Variants in DTWD2 observed in about 807,000 individuals in gnomAD.
DTWD2 encodes the protein tRNA-uridine aminocarboxypropyltransferase 2.
DTWD2 carries 39 observed loss-of-function variants against 31.8 expected under a neutral mutation model. That is an observed-to-expected ratio of 1.22 (90% CI 0.95 to 1.60). The LOEUF (loss-of-function observed/expected upper bound fraction) is 1.60. Ranked by LOEUF, DTWD2 falls within the 40% of genes most tolerant of loss-of-function variation. DTWD2 has a pLI of 0.00. For missense variants in DTWD2, 515 were observed against 381.5 expected, an observed-to-expected ratio of 1.35 and a Z score of -2.92; for synonymous variants, 180 against 142.8, an observed-to-expected ratio of 1.26 and a Z score of -1.86.
rs1246685934 is a variant in DTWD2 at position 118,838,360 on chromosome 5, A to T, written c.*2557T>A. The stretch of plus-strand genomic sequence containing the variant: ...GGGTACACAAGTAAAACCTACTATC[A>T]GCTACAAATTCATAAAACTTGGAAC... On this transcript the variant is annotated 3_prime_UTR_variant, in exon 6 of 6. Coordinates refer to ENST00000510708, the MANE Select transcript of DTWD2 (RefSeq NM_173666.4). 6.6e-6 allele frequency: 1 copy of T among 150,974 alleles called. No individual in the cohort carries two copies. The highest frequency in any genetic ancestry group is 1.9e-4 in the East Asian group (1 of 5,206). 9.4% of individuals were successfully genotyped at this position (150,974 alleles called of 1,614,324 possible). A position where few individuals can be genotyped will look rare whatever the true frequency, so the allele number is the denominator to read the frequency against.
chr5:118,982,570 C>G (rs1279195891), intron 1 of DTWD2, among the ~76,000 whole-genome samples: 2 of 151,852 alleles, frequency 1.3e-5, no homozygotes, highest in African/African-American at 4.8e-5. Flanking sequence ...TAATAATTTT[C>G]TCTTGAGAAT....
At chr5:118,861,435 A>G (rs536664885) in intron 4 of DTWD2, among the ~76,000 whole-genome samples, 4 of 152,338 alleles carry the variant, frequency 2.6e-5, no homozygotes, top group African/African-American at 9.6e-5. Context: ...GGCCCTGCTC[A>G]AAGGTATTAA....
chr5:118,901,329 T>C (rs1433355927), intron 4 of DTWD2, among the ~76,000 whole-genome samples: 2 of 152,122 alleles, frequency 1.3e-5, no homozygotes, highest in African/African-American at 2.4e-5. Flanking sequence ...AATCCAGGGA[T>C]TCAACAAACA....
chr5:118,932,253 G>T (rs2149580603), intron 3 of DTWD2, among the ~76,000 whole-genome samples: 1 of 151,544 alleles, frequency 6.6e-6, no homozygotes, highest in South Asian at 2.1e-4. Flanking sequence ...GAGGCAGGAG[G>T]GTCACTTGAG....
chr5:118,923,420 T>A (rs113742049), intron 4 of DTWD2, among the ~76,000 whole-genome samples: 77 of 152,240 alleles, frequency 5.1e-4, no homozygotes, highest in African/African-American at 1.7e-3. Flanking sequence ...TGGCGAAATA[T>A]GACCTTCCGG....
At chr5:118,956,361 C>A (rs1754587464) in intron 1 of DTWD2, among the ~76,000 whole-genome samples, 1 of 152,150 alleles carries the variant, frequency 6.6e-6, no homozygotes, top group Non-Finnish European at 1.5e-5. Context: ...CAAGGAAATT[C>A]TGTGAAATAA....
intron 4 of DTWD2, among the ~76,000 whole-genome samples, chr5:118,886,492 G>A (rs1752871579): frequency 1.3e-5 from 2 of 152,286 alleles, no homozygotes; most frequent in East Asian, 1.9e-4. Flanking sequence ...TGAAAACTGG[G>A]TTTATGGGAC....
chr5:118,976,428 TA>T (rs1240138650), intron 1 of DTWD2, among the ~76,000 whole-genome samples: 17 of 151,816 alleles, frequency 1.1e-4, no homozygotes, highest in Non-Finnish European at 7.4e-5. Flanking sequence ...ATTAACAAAA[TA>T]GATAGACTGC....
intron 4 of DTWD2, among the ~76,000 whole-genome samples, chr5:118,907,212 C>T (rs1483738464): frequency 6.6e-6 from 1 of 152,170 alleles, no homozygotes; most frequent in African/African-American, 2.4e-5. Flanking sequence ...TATAGCTTTG[C>T]CATTAACTAG....
intron 1 of DTWD2, among the ~76,000 whole-genome samples, chr5:118,956,418 C>T (rs573672388): frequency 8.0e-4 from 122 of 152,218 alleles, no homozygotes; most frequent in African/African-American, 2.8e-3. Context: ...AATACATGGG[C>T]TTCCTGTCAG....
At chr5:118,888,551 A>T (rs987488691) in intron 4 of DTWD2, among the ~76,000 whole-genome samples, 1 of 152,228 alleles carries the variant, frequency 6.6e-6, no homozygotes, top group African/African-American at 2.4e-5. Context: ...TTACAATTAA[A>T]GCTGTATGAG....
At chr5:118,878,564 G>A (rs1385263837) in intron 4 of DTWD2, among the ~76,000 whole-genome samples, 2 of 152,000 alleles carry the variant, frequency 1.3e-5, no homozygotes, top group South Asian at 2.1e-4. Context: ...AACCCTGAAA[G>A]ACAACCATTC....
chr5:118,848,010 T>C, intron 5 of DTWD2, 80 bp downstream of exon 5: 1 of 1,380,814 alleles, frequency 7.2e-7, no homozygotes, highest in Non-Finnish European at 9.5e-7. Flanking sequence ...AGTTACAAAT[T>C]TAACAAGCAT....
rs559537281 is a variant in DTWD2 at position 118,988,362 on chromosome 5, G to A, written c.150C>T (p.Asp50=). 2 of 1,568,592 alleles carry A rather than the reference G, an allele frequency of 1.3e-6. No homozygotes were observed. Among genetic ancestry groups the A allele is most frequent in the South Asian group, 1.2e-5 (1 of 86,344 alleles). The change falls in exon 1 of 6, where the codon GAC becomes GAT. Residue 50 remains aspartate (D), a synonymous_variant. Coordinates refer to ENST00000510708, the MANE Select transcript of DTWD2 (RefSeq NM_173666.4). ...GCAGCTCCCACAGCCCGTCCGCACT[G>A]TCGTCGTCCGCCTCTGCGCCCAGGG... ...AAALGAEADD[D]SADGLWELPV... is the part of the protein sequence containing the mutation.
intron 4 of DTWD2, among the ~76,000 whole-genome samples, chr5:118,875,186 T>A (rs1404693208): frequency 1.3e-5 from 2 of 152,034 alleles, no homozygotes; most frequent in Non-Finnish European, 2.9e-5. Flanking sequence ...AACTGCCTTA[T>A]GAGAGTTCCT....
intron 1 of DTWD2, among the ~76,000 whole-genome samples, chr5:118,964,520 T>A (rs567451479): frequency 2.0e-5 from 3 of 152,186 alleles, no homozygotes; most frequent in Non-Finnish European, 2.9e-5. Context: ...CCGCCATCTC[T>A]GCTCACTGCA....
chr5:118,986,919 G>C (rs1045876126), intron 1 of DTWD2, among the ~76,000 whole-genome samples: 1 of 151,976 alleles, frequency 6.6e-6, no homozygotes, highest in Non-Finnish European at 1.5e-5. Flanking sequence ...AGAAATGTTG[G>C]GGAAAATTGT....
intron 4 of DTWD2, among the ~76,000 whole-genome samples, chr5:118,850,300 C>T (rs1304516835): frequency 7.8e-6 from 1 of 128,008 alleles, no homozygotes; most frequent in African/African-American, 3.1e-5. Context: ...CCTGTCTCTA[C>T]CAAAAATACA....
At position 118,932,653 on chromosome 5, in the gene DTWD2, G is replaced by A. The variant is rs988698232; in HGVS notation, c.405-3924C>T. On this transcript the variant is annotated intron_variant, in intron 3 of 5. Transcript: ENST00000510708. ...CTAACTGGTATGATTATAAGAAGAG[G>A]AAATTTGGACACAAAAGAAGAGATG... Among the ~76,000 whole-genome samples, 4 of 152,130 alleles carry A rather than the reference G, an allele frequency of 2.6e-5. No individual in the cohort carries two copies. In the East Asian group the frequency reaches 5.8e-4, roughly 22 times the overall value.
Sources: allele counts gnomAD v4.1 joint callset (sites outside exome capture counted in the v4.1 genomes callset), GRCh38; gene constraint gnomAD v4.1.1; transcripts MANE v1.5; gene names NCBI Gene and HGNC (gene_info 2026-07-23, HGNC 2026-07-21).